Variants in SIPA1L1 observed in about 807,000 individuals in gnomAD.
SIPA1L1 encodes the protein signal induced proliferation associated 1 like 1.
A neutral mutation model predicts 162.7 loss-of-function variants in SIPA1L1; 26 were observed. That is an observed-to-expected ratio of 0.16 (90% confidence interval 0.12 to 0.22). SIPA1L1 has a LOEUF of 0.22. Among genes scored for constraint, SIPA1L1 ranks in the 10% least tolerant of loss-of-function variants. SIPA1L1 has a pLI of 1.00. For synonymous variants in SIPA1L1, 829 were observed against 837.4 expected (o/e 0.99, Z 0.17); for missense variants, 1,874 against 2,241.0 (o/e 0.84, Z 3.31).
rs371538801 is a variant in SIPA1L1, at chr14:71,588,755, A to G, written c.883A>G (p.Ile295Val). The change falls in exon 5 of 24, where the codon ATT becomes GTT. Residue 295 changes from isoleucine (I) to valine (V), a missense_variant. Coordinates refer to ENST00000381232, the MANE Select transcript of SIPA1L1 (RefSeq NM_001386936.1). The surrounding 1 kb of genome is among the most constrained non-coding windows in gnomAD (Gnocchi z 4.3). ...AAAATCTGAAACTGGAGACTCATCT[A>G]TTTTTCGTAAATTGCGCAATGCCAA... Reference protein sequence around the residue: ...RSKSETGDSSIFRKLRNAKGE... With the variant: ...RSKSETGDSSVFRKLRNAKGE... 11 of 1,613,964 alleles carry G rather than the reference A, an allele frequency of 6.8e-6. No homozygotes were observed. Among genetic ancestry groups the G allele is most frequent in the Admixed American group, 1.7e-5 (1 of 59,986 alleles).
At chr14:71,617,330 TTA>T (rs1430488985) in intron 5 of SIPA1L1, among the ~76,000 whole-genome samples, 1 of 152,248 alleles carries the variant, frequency 6.6e-6, no homozygotes, top group African/African-American at 2.4e-5. Flanking sequence ...ACAACCAAGC[TTA>T]TTAGAATTGT....
intron 10 of SIPA1L1, among the ~76,000 whole-genome samples, chr14:71,665,382 G>A (rs1296380864): frequency 2.6e-5 from 4 of 152,178 alleles, no homozygotes; most frequent in Admixed American, 1.3e-4. Context: ...GCCAGTTAAT[G>A]TGAGTCATCA....
At chr14:71,354,469 G>T (rs918300593) in intron 2 of SIPA1L1, among the ~76,000 whole-genome samples, 11 of 151,816 alleles carry the variant, frequency 7.2e-5, no homozygotes, top group East Asian at 1.9e-4. Flanking sequence ...TAGAGGGGGG[G>T]TTTCACCATG....
intron 12 of SIPA1L1, among the ~76,000 whole-genome samples, chr14:71,682,919 C>T (rs1013251793): frequency 2.6e-5 from 4 of 152,166 alleles, no homozygotes; most frequent in East Asian, 1.9e-4. Context: ...TTTGGGAGAC[C>T]GAGGCAGGTA....
At chr14:71,508,031 G>T (rs1401501963) in intron 2 of SIPA1L1, among the ~76,000 whole-genome samples, 1 of 152,230 alleles carries the variant, frequency 6.6e-6, no homozygotes, top group Non-Finnish European at 1.5e-5. Context: ...AGCTCAAGGT[G>T]AGGAAGACAG....
chr14:71,459,378 G>A (rs2046420391), intron 2 of SIPA1L1, among the ~76,000 whole-genome samples: 1 of 152,092 alleles, frequency 6.6e-6, no homozygotes, highest in South Asian at 2.1e-4. Context: ...GAAAAGGATG[G>A]GGCTTGTATT....
intron 2 of SIPA1L1, among the ~76,000 whole-genome samples, chr14:71,472,152 C>T (rs1399081099): frequency 6.6e-6 from 1 of 152,180 alleles, no homozygotes; most frequent in Non-Finnish European, 1.5e-5. Flanking sequence ...CAGGCAGCCT[C>T]CGTCTAGACT....
intron 2 of SIPA1L1, among the ~76,000 whole-genome samples, chr14:71,392,915 C>G (rs1228900623): frequency 6.6e-6 from 1 of 152,238 alleles, no homozygotes; most frequent in African/African-American, 2.4e-5. Flanking sequence ...CCTGAAAGCT[C>G]TCAATAAATG....
intron 4 of SIPA1L1, among the ~76,000 whole-genome samples, chr14:71,530,334 C>A (rs973371046): frequency 2.0e-5 from 3 of 151,944 alleles, no homozygotes; most frequent in African/African-American, 7.3e-5. Context: ...CTTTCAGATT[C>A]TACCCCACCC....
At chr14:71,649,398 C>G (rs1458241226) in intron 7 of SIPA1L1, among the ~76,000 whole-genome samples, 1 of 151,946 alleles carries the variant, frequency 6.6e-6, no homozygotes, top group Non-Finnish European at 1.5e-5. Context: ...TGCCATGTTG[C>G]CCAGGCTTGT....
intron 2 of SIPA1L1, among the ~76,000 whole-genome samples, chr14:71,492,828 A>G (rs1024073771): frequency 6.7e-5 from 10 of 148,188 alleles, no homozygotes; most frequent in African/African-American, 2.0e-4. Context: ...GGTCCACTCT[A>G]TTGCCCAGGC....
chr14:71,678,038 G>T (rs986788380), intron 12 of SIPA1L1, among the ~76,000 whole-genome samples: 1 of 152,038 alleles, frequency 6.6e-6, no homozygotes, highest in African/African-American at 2.4e-5. Flanking sequence ...AGGAGATTTG[G>T]GGCTGAGACG....
chr14:71,447,723 C>T (rs1421405959), intron 2 of SIPA1L1, among the ~76,000 whole-genome samples: 1 of 151,918 alleles, frequency 6.6e-6, no homozygotes, highest in Non-Finnish European at 1.5e-5. Context: ...GCCACCACAC[C>T]TGGCTAATTT....
chr14:71,716,843 C>T (rs1295353812), intron 17 of SIPA1L1, among the ~76,000 whole-genome samples: 2 of 152,220 alleles, frequency 1.3e-5, no homozygotes, highest in Non-Finnish European at 2.9e-5. Flanking sequence ...TTCATTTGAG[C>T]ATCAGGTCAA....
At chr14:71,596,131 C>T (rs1308948172) in intron 5 of SIPA1L1, among the ~76,000 whole-genome samples, 1 of 152,156 alleles carries the variant, frequency 6.6e-6, no homozygotes, top group African/African-American at 2.4e-5. Context: ...CAGAGAAAGG[C>T]TTCAGTCCTT....
chr14:71,451,533 A>G (rs1037539003), intron 2 of SIPA1L1, among the ~76,000 whole-genome samples: 4 of 151,058 alleles, frequency 2.6e-5, no homozygotes, highest in African/African-American at 4.9e-5. Context: ...TACTCAGGGG[A>G]CTGAAGTGGG....
intron 2 of SIPA1L1, among the ~76,000 whole-genome samples, chr14:71,334,915 A>G (rs2034929256): frequency 1.3e-5 from 2 of 152,214 alleles, no homozygotes; most frequent in African/African-American, 4.8e-5. Flanking sequence ...AATTTATTAA[A>G]TGTCTGTCAT....
At chr14:71,677,682 TC>T in intron 12 of SIPA1L1, among the ~76,000 whole-genome samples, 1 of 152,372 alleles carries the variant, frequency 6.6e-6, no homozygotes, top group East Asian at 1.9e-4. Flanking sequence ...AGTTTCAGCT[TC>T]CTACATATGG....
intron 3 of SIPA1L1, among the ~76,000 whole-genome samples, chr14:71,523,968 C>A (rs2052610569): frequency 6.6e-6 from 1 of 152,182 alleles, no homozygotes; most frequent in East Asian, 1.9e-4. Flanking sequence ...AGCCAGACAT[C>A]TCTCCAAGTA....
Sources: gnomAD v4.1 joint callset for allele counts (sites outside exome capture counted in the v4.1 genomes callset) on GRCh38, gnomAD v4.1.1 for gene constraint, Gnocchi (gnomAD v3.1) non-coding constraint, MANE v1.5 for transcripts, NCBI Gene and HGNC (gene_info 2026-07-23, HGNC 2026-07-21) for gene names.